Variants in FOXP2 observed in about 807,000 individuals in gnomAD.
FOXP2 encodes forkhead box protein P2.
A neutral mutation model predicts 115.8 loss-of-function variants in FOXP2; 12 were observed. That is an observed-to-expected ratio of 0.10 (90% confidence interval 0.07 to 0.17). The LOEUF is 0.17. FOXP2 is among the 10% of genes least tolerant of loss of function. FOXP2 has a pLI of 1.00. For missense variants in FOXP2, 629 were observed against 843.5 expected, an observed-to-expected ratio of 0.75 and a Z score of 3.15; for synonymous variants, 328 against 297.7, an observed-to-expected ratio of 1.10 and a Z score of -1.05.
chr7:114,498,799 G>T, intron 2 of FOXP2: 1 of 709,336 alleles, frequency 1.4e-6, no homozygotes, highest in Non-Finnish European at 2.6e-6. Flanking sequence ...ATTTTTTTGG[G>T]GGTATATGTC....
At chr7:114,338,634 A>G (rs1000842300) in intron 2 of FOXP2, among the ~76,000 whole-genome samples, 1 of 151,018 alleles carries the variant, frequency 6.6e-6, no homozygotes. Context: ...TCAGATTAAG[A>G]CAAAATTATT....
intron 2 of FOXP2, among the ~76,000 whole-genome samples, chr7:114,527,088 TA>T (rs1798918254): frequency 6.6e-6 from 1 of 152,070 alleles, no homozygotes; most frequent in African/African-American, 2.4e-5. Flanking sequence ...TGACTTTTTT[TA>T]TTTAGCATAA....
chr7:114,588,124 A>G (rs759527141), intron 3 of FOXP2, among the ~76,000 whole-genome samples: 12 of 151,760 alleles, frequency 7.9e-5, no homozygotes, highest in Non-Finnish European at 1.6e-4. Context: ...CCTGGCTAAC[A>G]TGGTGAGACC....
rs117475812 is a variant in FOXP2 at position 114,648,145 on chromosome 7, T to A, written c.1094+3356T>A. 2.0e-5 allele frequency among the ~76,000 whole-genome samples: 3 copies of A among 152,098 alleles called. No individual in the cohort carries two copies. The East Asian group carries it at 5.8e-4, about 29-fold the overall frequency. On this transcript the variant is annotated intron_variant, in intron 8 of 16. Coordinates refer to ENST00000350908, the MANE Select transcript of FOXP2 (RefSeq NM_014491.4). Reference sequence around the variant, plus strand: ...TTGCAGCTGACTACTCTAAAAATTATGCTCTTACTTAATGTGTATTGTCTA... The same window carrying A: ...TTGCAGCTGACTACTCTAAAAATTAAGCTCTTACTTAATGTGTATTGTCTA...
At chr7:114,539,560 A>G (rs1466468926) in intron 3 of FOXP2, among the ~76,000 whole-genome samples, 1 of 146,508 alleles carries the variant, frequency 6.8e-6, no homozygotes, top group Non-Finnish European at 1.5e-5. Context: ...TCTTGATCAT[A>G]AAAAAAAAGA....
At chr7:114,518,108 A>T (rs1452759847) in intron 2 of FOXP2, among the ~76,000 whole-genome samples, 1 of 152,102 alleles carries the variant, frequency 6.6e-6, no homozygotes, top group African/African-American at 2.4e-5. Flanking sequence ...TTTTAAATTG[A>T]TTTTGTAAAC....
At chr7:114,497,625 C>A (rs1236291542) in intron 2 of FOXP2, among the ~76,000 whole-genome samples, 1 of 151,370 alleles carries the variant, frequency 6.6e-6, no homozygotes, top group Non-Finnish European at 1.5e-5. Context: ...CTCTATCTAG[C>A]CTGGGTGAAA....
chr7:114,458,769 T>C (rs1032848121), intron 2 of FOXP2, among the ~76,000 whole-genome samples: 3 of 152,110 alleles, frequency 2.0e-5, no homozygotes, highest in African/African-American at 7.2e-5. Context: ...TCCAAATTGC[T>C]TGATGCTTCC....
intron 1 of FOXP2, among the ~76,000 whole-genome samples, chr7:114,114,738 T>A (rs765925857): frequency 3.3e-5 from 5 of 152,182 alleles, no homozygotes; most frequent in Non-Finnish European, 5.9e-5. Context: ...TAGTTATTGA[T>A]ATTCACCTCT....
At chr7:114,096,555 A>T (rs1423815907) in intron 1 of FOXP2, among the ~76,000 whole-genome samples, 2 of 152,162 alleles carry the variant, frequency 1.3e-5, no homozygotes, top group Non-Finnish European at 2.9e-5. Flanking sequence ...TTGGTATTAG[A>T]TTTTTACATC....
intron 1 of FOXP2, among the ~76,000 whole-genome samples, chr7:114,089,435 A>G (rs575072881): frequency 6.6e-6 from 1 of 152,214 alleles, no homozygotes; most frequent in South Asian, 2.1e-4. Flanking sequence ...AAATACAGCA[A>G]TAAAAGGAAA....
chr7:114,226,714 C>T (rs1794756938), intron 1 of FOXP2, among the ~76,000 whole-genome samples: 1 of 151,806 alleles, frequency 6.6e-6, no homozygotes, highest in South Asian at 2.1e-4. Context: ...TTTTTTTGGT[C>T]TGATAAGGTA....
chr7:114,614,296 A>G (rs1428275733), intron 3 of FOXP2, among the ~76,000 whole-genome samples: 2 of 148,102 alleles, frequency 1.4e-5, no homozygotes, highest in Admixed American at 6.6e-5. Flanking sequence ...TGTCTTTATA[A>G]ATTAGGTTGA....
chr7:114,133,456 T>C (rs1791945883), intron 1 of FOXP2, among the ~76,000 whole-genome samples: 1 of 152,340 alleles, frequency 6.6e-6, no homozygotes, highest in Admixed American at 6.5e-5. Flanking sequence ...ATTACGAGGC[T>C]AGATGAGATC....
At chr7:114,442,299 C>A (rs1030163253) in intron 2 of FOXP2, among the ~76,000 whole-genome samples, 4 of 151,202 alleles carry the variant, frequency 2.6e-5, no homozygotes, top group African/African-American at 9.7e-5. Flanking sequence ...TTAGTGGTTA[C>A]CTGGGGCCGG....
chr7:114,610,254 A>C (rs1453021572), intron 3 of FOXP2, among the ~76,000 whole-genome samples: 4 of 152,222 alleles, frequency 2.6e-5, no homozygotes, highest in Non-Finnish European at 5.9e-5. Flanking sequence ...TGCAACTGAA[A>C]TTCTTGTATA....
At chr7:114,485,225 T>A (rs558553214) in intron 2 of FOXP2, among the ~76,000 whole-genome samples, 1 of 151,864 alleles carries the variant, frequency 6.6e-6, no homozygotes, top group South Asian at 2.1e-4. Flanking sequence ...TTTTAGAAAA[T>A]TTTTTTATTA....
chr7:114,358,212 A>G (rs1168203718), intron 2 of FOXP2, among the ~76,000 whole-genome samples: 3 of 152,174 alleles, frequency 2.0e-5, no homozygotes, highest in Non-Finnish European at 2.9e-5. Context: ...GCCTGCTGCC[A>G]TGTAAGACAG....
At chr7:114,227,943 C>T (rs1037689651) in intron 1 of FOXP2, among the ~76,000 whole-genome samples, 5 of 151,948 alleles carry the variant, frequency 3.3e-5, no homozygotes, top group African/African-American at 1.2e-4. Flanking sequence ...TCACAGCAAA[C>T]CAATGGTCCT....
Sources: allele counts gnomAD v4.1 joint callset (sites outside exome capture counted in the v4.1 genomes callset), GRCh38; gene constraint gnomAD v4.1.1; transcripts MANE v1.5; gene names NCBI Gene and HGNC (gene_info 2026-07-23, HGNC 2026-07-21).